ZNF429: variants seen among roughly 807,000 people sequenced by gnomAD.
The protein encoded by ZNF429 is zinc finger protein 429.
Under a neutral mutation model 56.8 loss-of-function variants are expected in ZNF429, and 53 were observed. That is an observed-to-expected ratio of 0.93 (90% CI 0.75 to 1.17). ZNF429 has a LOEUF of 1.17. Ranked by LOEUF, ZNF429 falls within the 50% of genes most tolerant of loss-of-function variation. ZNF429 has a pLI of 0.00. For synonymous variants in ZNF429, 278 were observed against 264.7 expected (o/e 1.05, Z -0.49); for missense variants, 849 against 788.4 (o/e 1.08, Z -0.92).
intron 2 of ZNF429, among the ~76,000 whole-genome samples, chr19:21,530,139 G>C: frequency 2.3e-4 from 35 of 151,224 alleles, no homozygotes; most frequent in South Asian, 1.7e-3. Context: ...TGCAGTGAGC[G>C]GAGATAGCAC....
At position 21,530,699 on chromosome 19, in the gene ZNF429, A is replaced by G; in HGVS notation, c.226+15A>G. 3.2e-6 allele frequency: 5 copies of G among 1,585,640 alleles called. No individual in the cohort carries two copies. The South Asian group carries it at 4.5e-5, about 14-fold the overall frequency. ...TGAACCCCCAGGTAGGTGAGAGTGAACACAACAGACAACACAGATGAGAGG... is the reference window on the plus strand; with the variant it reads ...TGAACCCCCAGGTAGGTGAGAGTGAGCACAACAGACAACACAGATGAGAGG... On this transcript the variant is annotated intron_variant, in intron 3 of 3. Coordinates refer to ENST00000358491, the MANE Select transcript of ZNF429 (RefSeq NM_001001415.4).
intron 1 of ZNF429, 198 bp downstream of exon 1, chr19:21,505,972 CTT>C (rs1276428564): frequency 9.9e-6 from 5 of 505,798 alleles, no homozygotes; most frequent in African/African-American, 4.0e-5. Flanking sequence ...GGCGTCCTGT[CTT>C]CCCTCCGCAG....
intron 1 of ZNF429, among the ~76,000 whole-genome samples, chr19:21,508,801 C>G (rs2032313074): frequency 6.6e-6 from 1 of 151,700 alleles, no homozygotes; most frequent in Non-Finnish European, 1.5e-5. Flanking sequence ...TCCATTTTGG[C>G]TGTAGAAAAT....
At chr19:21,526,802 G>A (rs935731112) in intron 1 of ZNF429, among the ~76,000 whole-genome samples, 6 of 152,154 alleles carry the variant, frequency 3.9e-5, no homozygotes, top group Non-Finnish European at 8.8e-5. Flanking sequence ...AGGTCCTGCA[G>A]GAGCAGTCTG....
At chr19:21,521,240 G>A (rs549336697) in intron 1 of ZNF429, 8 of 152,310 alleles carry the variant, frequency 5.3e-5, no homozygotes, top group African/African-American at 1.7e-4. Flanking sequence ...AAATCAACAT[G>A]ATGAGTGATG....
Position 21,540,024 on chromosome 19 carries a change from C to G in ZNF429, c.*1946C>G, listed in dbSNP as rs913328059. Among the ~76,000 whole-genome samples the G allele has an allele frequency of 1.3e-5, 2 of 151,944 alleles. No individual in the cohort carries two copies. Among genetic ancestry groups the G allele is most frequent in the African/African-American group, 2.4e-5 (1 of 41,384 alleles). On this transcript the variant is annotated 3_prime_UTR_variant, in exon 4 of 4. Transcript: ENST00000358491. ...GGTCGATGTTCAGAGTAATATGCCT[C>G]TGTATTACAGTGATAGAAAATATTT...
intron 3 of ZNF429, among the ~76,000 whole-genome samples, chr19:21,535,451 T>C: frequency 2.9e-5 from 3 of 102,284 alleles, no homozygotes; most frequent in African/African-American, 1.3e-4. Flanking sequence ...TTTCTTTCTT[T>C]CTTTCTTTCT....
chr19:21,534,023 TG>T, intron 3 of ZNF429, among the ~76,000 whole-genome samples: 1 of 152,184 alleles, frequency 6.6e-6, no homozygotes, highest in African/African-American at 2.4e-5. Flanking sequence ...AGTACCACAT[TG>T]TTTTTGTTAC....
chr19:21,508,510 AT>A (rs2032295758), intron 1 of ZNF429, among the ~76,000 whole-genome samples: 1 of 152,134 alleles, frequency 6.6e-6, no homozygotes, highest in Non-Finnish European at 1.5e-5. Flanking sequence ...CTTTGAAAAG[AT>A]TTGTTCACTT....
rs932890181 is a variant in ZNF429, at chr19:21,530,619, C to G, written c.161C>G (p.Thr54Ser). Residue 54 changes from threonine to serine, a missense_variant, in exon 3 of 4, where the codon ACT (threonine) becomes AGT (serine). Transcript: ENST00000358491. ...GIAVSKPDLI[T>S]CLEKEKEPCK... ...GCTGTTTCTAAGCCAGACCTAATCACTTGTCTAGAGAAAGAAAAAGAACCC... is the reference window on the plus strand; with the variant it reads ...GCTGTTTCTAAGCCAGACCTAATCAGTTGTCTAGAGAAAGAAAAAGAACCC... 1.2e-6 allele frequency: 2 copies of G among 1,611,146 alleles called. No individual in the cohort carries two copies. The highest frequency in any genetic ancestry group is 1.3e-5 in the African/African-American group (1 of 74,862).
chr19:21,515,393 A>C (rs2145429189), intron 1 of ZNF429, among the ~76,000 whole-genome samples: 1 of 152,236 alleles, frequency 6.6e-6, no homozygotes, highest in East Asian at 1.9e-4. Context: ...TATCTTCTTT[A>C]GAATGGCATC....
At chr19:21,511,239 G>A (rs984626283) in intron 1 of ZNF429, among the ~76,000 whole-genome samples, 8 of 151,910 alleles carry the variant, frequency 5.3e-5, no homozygotes, top group East Asian at 3.9e-4. Flanking sequence ...CGGACGGGGC[G>A]GCTGGCCCGG....
intron 1 of ZNF429, among the ~76,000 whole-genome samples, chr19:21,513,467 T>C (rs1308645834): frequency 3.3e-5 from 5 of 152,128 alleles, no homozygotes; most frequent in African/African-American, 1.2e-4. Flanking sequence ...GAAGCATAGA[T>C]GGGCCCATGG....
chr19:21,533,780 A>G, intron 3 of ZNF429, among the ~76,000 whole-genome samples: 2 of 151,508 alleles, frequency 1.3e-5, no homozygotes, highest in African/African-American at 4.9e-5. Context: ...CAACCTCCCA[A>G]GTAGCTGGGA....
chr19:21,534,999 T>C lies in ZNF429; in HGVS notation c.227-1281T>C. On this transcript the variant is annotated intron_variant, in intron 3 of 3. Transcript: ENST00000358491. ...TAATTTTTTGTGTTTTTTCTTTTTT[T>C]TTTTTTTTTAGTAGAGATGGGGTTT... Among the ~76,000 whole-genome samples, 2 of 149,858 alleles carry C rather than the reference T, an allele frequency of 1.3e-5. 1 individual carries two copies. The highest frequency in any genetic ancestry group is 1.3e-4 in the Admixed American group (2 of 15,062).
At chr19:21,536,036 G>C in intron 3 of ZNF429, among the ~76,000 whole-genome samples, 1 of 152,152 alleles carries the variant, frequency 6.6e-6, no homozygotes, top group Non-Finnish European at 1.5e-5. Flanking sequence ...TTCATTCTAT[G>C]TGACTCTTTG....
At chr19:21,531,094 G>A in intron 3 of ZNF429, among the ~76,000 whole-genome samples, 6 of 86,516 alleles carry the variant, frequency 6.9e-5, no homozygotes, top group African/African-American at 2.2e-4. Flanking sequence ...CAACAAGAGT[G>A]AAACTCCATC....
In ZNF429 at chr19:21,537,430, C is replaced by A. The variant is rs200312692; in HGVS notation, c.1377C>A (p.Gly459=). The A allele has an allele frequency of 1.3e-4, 209 of 1,613,724 alleles. 1 individual carries two copies. Among genetic ancestry groups the A allele is most frequent in the Middle Eastern group, 3.3e-4 (2 of 6,060 alleles). ...EEKPYKCNEC[G]KAFNRSSHLT... Reference sequence around the variant, plus strand: ...AACCCTATAAATGTAACGAATGTGGCAAAGCTTTTAACCGGTCCTCACACC... The same window carrying A: ...AACCCTATAAATGTAACGAATGTGGAAAAGCTTTTAACCGGTCCTCACACC... Residue 459 remains glycine, a synonymous_variant, in exon 4 of 4, where the codon GGC becomes GGA. Coordinates refer to ENST00000358491, the MANE Select transcript of ZNF429 (RefSeq NM_001001415.4).
At chr19:21,534,439 GATTTTGGCTCAACGCA>G in intron 3 of ZNF429, among the ~76,000 whole-genome samples, 1 of 114,614 alleles carries the variant, frequency 8.7e-6, no homozygotes. Flanking sequence ...ACAGTGGCAT[GATTTTGGCTCAACGCA>G]GCCTCAACCT....
Sources: gnomAD v4.1 joint callset for allele counts (sites outside exome capture counted in the v4.1 genomes callset) on GRCh38, gnomAD v4.1.1 for gene constraint, MANE v1.5 for transcripts, NCBI Gene and HGNC (gene_info 2026-07-23, HGNC 2026-07-21) for gene names.